Variants in RBFOX1 observed in about 807,000 individuals in gnomAD.
RBFOX1 encodes RNA binding protein fox-1 homolog 1.
RBFOX1 carries 8 observed loss-of-function variants against 57.7 expected under a neutral mutation model. The ratio of observed to expected loss-of-function variants is 0.14; its 90% CI spans 0.08 to 0.25. The LOEUF (loss-of-function observed/expected upper bound fraction) is 0.25. Ranked by LOEUF, RBFOX1 falls within the 10% of genes least tolerant of loss-of-function variation. RBFOX1 has a pLI of 1.00. For missense variants in RBFOX1, 611 were observed against 548.5 expected (o/e 1.11, Z -1.14); for synonymous variants, 326 against 222.4 (o/e 1.47, Z -4.15).
intron 4 of RBFOX1, among the ~76,000 whole-genome samples, chr16:7,498,797 G>C (rs1339823997): frequency 6.6e-6 from 1 of 152,120 alleles, no homozygotes; most frequent in Admixed American, 6.5e-5. Context: ...GATCTAGCAA[G>C]CTCTTAAAGC....
At chr16:7,125,823 C>T (rs563323101) in intron 4 of RBFOX1, among the ~76,000 whole-genome samples, 1 of 152,308 alleles carries the variant, frequency 6.6e-6, no homozygotes, top group Admixed American at 6.5e-5. Flanking sequence ...TGCCTCACAC[C>T]TGTAATCCCA....
intron 4 of RBFOX1, among the ~76,000 whole-genome samples, chr16:7,407,688 C>T (rs754469615): frequency 6.6e-6 from 1 of 152,126 alleles, no homozygotes; most frequent in Non-Finnish European, 1.5e-5. Flanking sequence ...TTAACATTCA[C>T]CTTAATACAA....
intron 4 of RBFOX1, among the ~76,000 whole-genome samples, chr16:7,228,423 A>G (rs1377942969): frequency 6.6e-6 from 1 of 152,222 alleles, no homozygotes; most frequent in Non-Finnish European, 1.5e-5. Flanking sequence ...CTAAATCATT[A>G]TGGCTCTCTT....
chr16:7,061,042 G>T (rs982652634), intron 4 of RBFOX1, among the ~76,000 whole-genome samples: 1 of 151,682 alleles, frequency 6.6e-6, no homozygotes, highest in Non-Finnish European at 1.5e-5. Flanking sequence ...GTGTGTGTAC[G>T]TGCACGTGCA....
intron 3 of RBFOX1, among the ~76,000 whole-genome samples, chr16:5,641,943 C>T (rs2048889819): frequency 6.6e-6 from 1 of 152,132 alleles, no homozygotes; most frequent in Non-Finnish European, 1.5e-5. Context: ...CACTAAAATG[C>T]AGATTCAGTT....
intron 11 of RBFOX1, among the ~76,000 whole-genome samples, chr16:7,638,863 TCTTA>T (rs2143013831): frequency 1.3e-5 from 2 of 152,262 alleles, no homozygotes; most frequent in South Asian, 4.1e-4. Context: ...AGGCCGTAAT[TCTTA>T]CTTAAAAGGA....
chr16:7,493,455 A>C (rs1384773437), intron 4 of RBFOX1, among the ~76,000 whole-genome samples: 2 of 152,220 alleles, frequency 1.3e-5, no homozygotes, highest in Non-Finnish European at 2.9e-5. Context: ...TGGAAAAAGG[A>C]CCTATGCAGA....
chr16:5,502,806 C>G (rs1234165350), intron 2 of RBFOX1, among the ~76,000 whole-genome samples: 1 of 152,158 alleles, frequency 6.6e-6, no homozygotes, highest in Non-Finnish European at 1.5e-5. Flanking sequence ...CCCGTCAGTT[C>G]CAGACTCTTC....
intron 1 of RBFOX1, among the ~76,000 whole-genome samples, chr16:5,414,440 C>T (rs1284915978): frequency 6.6e-6 from 1 of 152,172 alleles, no homozygotes; most frequent in Non-Finnish European, 1.5e-5. Flanking sequence ...GAGATTTATT[C>T]CCTCTAATCA....
chr16:6,719,909 A>C (rs1169473447), intron 3 of RBFOX1, among the ~76,000 whole-genome samples: 1 of 151,862 alleles, frequency 6.6e-6, no homozygotes, highest in East Asian at 2.0e-4. Flanking sequence ...CCTGGCCATC[A>C]TGGTGAAAAC....
intron 3 of RBFOX1, among the ~76,000 whole-genome samples, chr16:6,927,570 T>C (rs1420847596): frequency 1.3e-5 from 2 of 152,082 alleles, no homozygotes; most frequent in Admixed American, 6.6e-5. Context: ...TTTTGCATCA[T>C]TCACTGCTGT....
In RBFOX1 at chr16:6,962,629, C is replaced by A. The variant is rs551634974; in HGVS notation, c.-15-89428C>A. On this transcript the variant is annotated intron_variant, in intron 3 of 15. Transcript: ENST00000550418. ...CCTATAATCCCAGGGCTTTGGGAGG[C>A]CGAGGCCGGTAGATTGGTTGAACTC... Among the ~76,000 whole-genome samples the A allele has an allele frequency of 7.9e-4, 120 of 152,190 alleles. 1 individual carries two copies. Among genetic ancestry groups the A allele is most frequent in the African/African-American group, 2.8e-3 (116 of 41,520 alleles).
At chr16:7,230,607 T>G (rs1343732588) in intron 4 of RBFOX1, among the ~76,000 whole-genome samples, 7 of 152,168 alleles carry the variant, frequency 4.6e-5, no homozygotes, top group African/African-American at 1.7e-4. Flanking sequence ...GTGATGGCAT[T>G]GGGCACTACC....
intron 2 of RBFOX1, among the ~76,000 whole-genome samples, chr16:6,413,651 G>T (rs1196786741): frequency 6.6e-6 from 1 of 152,164 alleles, no homozygotes; most frequent in Non-Finnish European, 1.5e-5. Flanking sequence ...TAAATAAAGA[G>T]TGCATTGAAT....
chr16:6,715,371 A>G (rs899274434), intron 3 of RBFOX1, among the ~76,000 whole-genome samples: 3 of 152,118 alleles, frequency 2.0e-5, no homozygotes, highest in African/African-American at 7.2e-5. Flanking sequence ...AGTGATTTTG[A>G]ATGCTGCAGC....
chr16:5,288,632 C>CT (rs71142608), intron 1 of RBFOX1, among the ~76,000 whole-genome samples: 144,098 of 145,958 alleles, frequency 0.99, 71,150 homozygotes, highest in Middle Eastern at 1. Flanking sequence ...CTTTCCTTTT[C>CT]TTTTTTTTTT....
rs529754453 is a variant in RBFOX1 at position 7,316,905 on chromosome 16, G to C, written c.28-201242G>C. Among the ~76,000 whole-genome samples the C allele has an allele frequency of 6.7e-4, 101 of 151,546 alleles. 1 individual carries two copies. Among genetic ancestry groups the C allele is most frequent in the African/African-American group, 2.4e-3 (98 of 41,276 alleles). On this transcript the variant is annotated intron_variant, in intron 4 of 15. Transcript: ENST00000550418. The stretch of plus-strand genomic sequence containing the variant: ...GACACATAAGGGCCAGAGACGACTG[G>C]AGTTTGGAAATCTTGACCTAGAGTT...
chr16:7,421,651 T>G (rs1334468852), intron 4 of RBFOX1, among the ~76,000 whole-genome samples: 1 of 152,226 alleles, frequency 6.6e-6, no homozygotes, highest in South Asian at 2.1e-4. Flanking sequence ...ACTGCAGGCT[T>G]ACTCAGTGCT....
rs377219900 is a variant in RBFOX1, at chr16:6,107,561, C to G, written c.-127+87569C>G. ...TATTGCTTTTCAGACAACATTAGTTCAAGATGCTTTCAGTACAGGATTAAT... is the reference window on the plus strand; with the variant it reads ...TATTGCTTTTCAGACAACATTAGTTGAAGATGCTTTCAGTACAGGATTAAT... On this transcript the variant is annotated intron_variant, in intron 1 of 15. Coordinates refer to ENST00000550418, the MANE Select transcript of RBFOX1 (RefSeq NM_018723.4). Among the ~76,000 whole-genome samples the G allele has an allele frequency of 1.6e-4, 25 of 152,054 alleles. No homozygotes were observed. In the East Asian group the frequency reaches 2.3e-3, roughly 14 times the overall value.
Sources: gnomAD v4.1 joint callset for allele counts (sites outside exome capture counted in the v4.1 genomes callset) on GRCh38, gnomAD v4.1.1 for gene constraint, MANE v1.5 for transcripts, NCBI Gene and HGNC (gene_info 2026-07-23, HGNC 2026-07-21) for gene names.